Variants in HIF3A observed in about 807,000 individuals in gnomAD.
HIF3A encodes the protein hypoxia-inducible factor 3-alpha.
Under a neutral mutation model 67.2 loss-of-function variants are expected in HIF3A, and 41 were observed. The observed-to-expected ratio is 0.61, with a 90% CI of 0.48 to 0.79. The LOEUF is 0.79. HIF3A is among the 30% of genes least tolerant of loss of function. The probability of loss-of-function intolerance (pLI) is 0.00; values close to 1 mark genes in which losing one functional copy is unlikely to be tolerated. For synonymous variants in HIF3A, 356 were observed against 374.8 expected (o/e 0.95, Z 0.58); for missense variants, 855 against 898.0 (o/e 0.95, Z 0.61).
intron 1 of HIF3A, among the ~76,000 whole-genome samples, chr19:46,303,102 C>T (rs1476762618): frequency 6.6e-6 from 1 of 152,140 alleles, no homozygotes; most frequent in Non-Finnish European, 1.5e-5. Context: ...CTCATCTGTT[C>T]AATGGGACGT....
chr19:46,327,214 A>T (rs1402940190), intron 11 of HIF3A, among the ~76,000 whole-genome samples: 1 of 151,212 alleles, frequency 6.6e-6, no homozygotes, highest in African/African-American at 2.4e-5. Flanking sequence ...CTGGTCTTGA[A>T]CTCCCAGGCT....
rs115172609 is a variant in HIF3A at position 46,311,603 on chromosome 19, A to G, written c.771-558A>G. On this transcript the variant is annotated intron_variant, in intron 6 of 14. Transcript: ENST00000377670. Reference sequence around the variant, plus strand: ...AGGCAGGCCGGGCGAGGTGGCTAACACCTGTAATCTCAGCACTTCGGGAGG... The same window carrying G: ...AGGCAGGCCGGGCGAGGTGGCTAACGCCTGTAATCTCAGCACTTCGGGAGG... Among the ~76,000 whole-genome samples, 300 of 152,092 alleles carry G rather than the reference A, an allele frequency of 2.0e-3. 3 individuals carry two copies. The highest frequency in any genetic ancestry group is 6.3e-3 in the African/African-American group (263 of 41,492).
chr19:46,322,875 A>G (rs973994918), intron 10 of HIF3A, among the ~76,000 whole-genome samples: 1 of 152,170 alleles, frequency 6.6e-6, no homozygotes, highest in East Asian at 1.9e-4. Flanking sequence ...GGAGGAATGT[A>G]GGGTTTCGGA....
At chr19:46,322,353 A>T (rs1970437499) in intron 10 of HIF3A, among the ~76,000 whole-genome samples, 1 of 152,042 alleles carries the variant, frequency 6.6e-6, no homozygotes, top group Non-Finnish European at 1.5e-5. Context: ...ATAGTGTCAG[A>T]TTTCACAGGT....
At chr19:46,305,670 G>T (rs143392030) in intron 3 of HIF3A, among the ~76,000 whole-genome samples, 2 of 152,094 alleles carry the variant, frequency 1.3e-5, no homozygotes, top group African/African-American at 4.8e-5. Flanking sequence ...GAACTTAGCC[G>T]GTCAAAGGGT....
rs370621029 is a variant in HIF3A at position 46,335,023 on chromosome 19, C to A, written c.1912+37C>A. The A allele has an allele frequency of 3.2e-5, 50 of 1,550,486 alleles. No individual in the cohort carries two copies. In the African/African-American group the frequency reaches 6.1e-4, roughly 19 times the overall value. Reference sequence around the variant, plus strand: ...CCTGGGTATCCAGAGCCCCAGAGCACCTTCTCCCCCGGGAGGTGCGAGAGG... The same window carrying A: ...CCTGGGTATCCAGAGCCCCAGAGCAACTTCTCCCCCGGGAGGTGCGAGAGG... On this transcript the variant is annotated intron_variant, in intron 14 of 14. Coordinates refer to ENST00000377670, the MANE Select transcript of HIF3A (RefSeq NM_152795.4).
rs141495806 is a variant in HIF3A, at chr19:46,317,436, G to C, written c.1026-3007G>C. Among the ~76,000 whole-genome samples, 1,304 of 152,216 alleles carry C rather than the reference G, an allele frequency of 8.6e-3. 24 individuals carry two copies. Among genetic ancestry groups the C allele is most frequent in the African/African-American group, 0.028 (1,173 of 41,516 alleles). ...CCAGTATCCTCAGGAGAAAAGCCAA[G>C]GGCGTTGGTGTGGTTCACCAGGCCC... On this transcript the variant is annotated intron_variant, in intron 8 of 14. Coordinates refer to ENST00000377670, the MANE Select transcript of HIF3A (RefSeq NM_152795.4).
At chr19:46,310,094 G>A (rs564104685) in intron 6 of HIF3A, among the ~76,000 whole-genome samples, 25 of 152,216 alleles carry the variant, frequency 1.6e-4, no homozygotes, top group Non-Finnish European at 3.5e-4. Context: ...GCATGGTGGC[G>A]CATGCCTAAA....
chr19:46,330,180 C>T (rs1311017909), intron 12 of HIF3A, among the ~76,000 whole-genome samples: 2 of 151,984 alleles, frequency 1.3e-5, no homozygotes, highest in African/African-American at 4.8e-5. Flanking sequence ...CCAAGGCTCC[C>T]AGCTTGGTAC....
At position 46,321,904 on chromosome 19, in the gene HIF3A, G is replaced by C. The variant is rs745855904; in HGVS notation, c.1273G>C (p.Ala425Pro). The change falls in exon 10 of 15, where the codon GCT (alanine) becomes CCT (proline). Residue 425 changes from alanine (A) to proline (P), a missense_variant. Coordinates refer to ENST00000377670, the MANE Select transcript of HIF3A (RefSeq NM_152795.4). ...CCTCCTGGGACCCATCCTGGATGGGGCTTCAGTAGCAGCCACTCCCAGCAC... is the reference window on the plus strand; with the variant it reads ...CCTCCTGGGACCCATCCTGGATGGGCCTTCAGTAGCAGCCACTCCCAGCAC... ...RRLLGPILDG[A>P]SVAATPSTPL... The C allele has an allele frequency of 6.2e-7, 1 of 1,613,818 alleles. No homozygotes were observed. Among genetic ancestry groups the C allele is most frequent in the Non-Finnish European group, 8.5e-7 (1 of 1,180,014 alleles).
At chr19:46,336,001 A>G (rs141076082) in intron 14 of HIF3A, among the ~76,000 whole-genome samples, 2,062 of 150,766 alleles carry the variant, frequency 0.014, 37 homozygotes, top group Non-Finnish European at 0.016. Context: ...TGACTGCACC[A>G]CTGTACTCCA....
intron 14 of HIF3A, among the ~76,000 whole-genome samples, chr19:46,335,365 G>A (rs930365664): frequency 3.3e-5 from 5 of 151,874 alleles, no homozygotes; most frequent in Admixed American, 3.3e-4. Context: ...CGCCTCCCAG[G>A]TTCAAGTGGT....
chr19:46,301,395 G>T (rs1464718743), intron 1 of HIF3A, among the ~76,000 whole-genome samples: 8 of 152,238 alleles, frequency 5.3e-5, no homozygotes, highest in Non-Finnish European at 4.4e-5. Flanking sequence ...CCAAGGAGGG[G>T]ATGAGAAAAA....
chr19:46,333,886 G>A (rs1366265035), intron 13 of HIF3A, among the ~76,000 whole-genome samples: 7 of 133,550 alleles, frequency 5.2e-5, no homozygotes, highest in African/African-American at 1.4e-4. Context: ...TCCATCTCCC[G>A]GGTTCACGCC....
intron 8 of HIF3A, 104 bp from the exon 9 acceptor site, chr19:46,320,339 G>A: frequency 1.2e-6 from 1 of 808,750 alleles, no homozygotes; most frequent in Non-Finnish European, 2.1e-6. Flanking sequence ...CCAAGCCCCT[G>A]GGCGCCATTG....
rs1217387647 is a variant in HIF3A at position 46,339,830 on chromosome 19, AC to A, written c.*210del. 1 of 409,286 alleles carries A rather than the reference AC, an allele frequency of 2.4e-6. No homozygotes were observed. The highest frequency in any genetic ancestry group is 4.3e-6 in the Non-Finnish European group (1 of 232,214). The allele number at this position is 409,286 out of a possible 1,614,324, so 25.4% of individuals were successfully genotyped here. A position where few individuals can be genotyped will look rare whatever the true frequency, so the allele number is the denominator to read the frequency against. ...TCTCTGGGGTGGTCTCAGCTCAGTG[AC>A]CTCTGGGAGGTGGTCCCTGGCCCCC... is the stretch of plus-strand genomic sequence containing the variant. On this transcript the variant is annotated 3_prime_UTR_variant, in exon 15 of 15. Transcript: ENST00000377670.
chr19:46,323,136 C>T lies in HIF3A; in HGVS notation c.1335+1170C>T, dbSNP rs959304011. Among the ~76,000 whole-genome samples, 12 of 151,618 alleles carry T rather than the reference C, an allele frequency of 7.9e-5. No homozygotes were observed. In the South Asian group the frequency reaches 8.3e-4, roughly 11 times the overall value. On this transcript the variant is annotated intron_variant, in intron 10 of 14. Coordinates refer to ENST00000377670, the MANE Select transcript of HIF3A (RefSeq NM_152795.4). The stretch of plus-strand genomic sequence containing the variant: ...CATGATCTCAGCTCACCACAACCTG[C>T]GCCTCCTGGATTCAAGCAATGCTCC...
At chr19:46,299,625 T>C (rs1287702146) in intron 1 of HIF3A, among the ~76,000 whole-genome samples, 1 of 145,892 alleles carries the variant, frequency 6.9e-6, no homozygotes. Context: ...GGTGGGAGGA[T>C]GGCTTGAGCC....
chr19:46,301,780 C>T (rs1968355864), intron 1 of HIF3A, among the ~76,000 whole-genome samples: 1 of 150,398 alleles, frequency 6.6e-6, no homozygotes, highest in South Asian at 2.1e-4. Context: ...CAAGATCGTG[C>T]CATTATACTC....
Sources: allele counts gnomAD v4.1 joint callset (sites outside exome capture counted in the v4.1 genomes callset), GRCh38; gene constraint gnomAD v4.1.1; transcripts MANE v1.5; gene names NCBI Gene and HGNC (gene_info 2026-07-23, HGNC 2026-07-21).